The following PRICKLE3 variants were observed in gnomAD, a reference collection of about 807,000 sequenced individuals.
PRICKLE3 encodes prickle planar cell polarity protein 3, also known as LIM domain only protein 6.
In PRICKLE3, 17 loss-of-function variants were observed where a neutral mutation model predicts 33.8. That is an observed-to-expected ratio of 0.50 (90% CI 0.34 to 0.75). The LOEUF (loss-of-function observed/expected upper bound fraction) is 0.75, where lower values mean the gene tolerates loss of function less well. PRICKLE3 is among the 30% of genes least tolerant of loss of function. PRICKLE3 has a pLI of 0.01. For missense variants in PRICKLE3, 573 were observed against 576.7 expected, an observed-to-expected ratio of 0.99 and a Z score of 0.07; for synonymous variants, 211 against 219.6, an observed-to-expected ratio of 0.96 and a Z score of 0.34.
At position 49,177,188 on chromosome X, in the gene PRICKLE3, G is replaced by A; in HGVS notation, c.970C>T (p.Gln324Ter). ...CAGTGCTGGCCCTCGTAAGCCATCT[G>A]GCCTTGGTCCAGGCCTGTGGGGAAC... ...CGEHIGLDQG[Q>*]MAYEGQHWHA... Residue 324 changes from glutamine (Q) to a stop codon, truncating the protein, a stop_gained, in exon 8 of 9, where the codon CAG (glutamine) becomes TAG (stop). Coordinates refer to ENST00000599218, the MANE Select transcript of PRICKLE3 (RefSeq NM_006150.5). LOFTEE classifies it high-confidence loss of function. 8.5e-7 allele frequency: 1 copy of A among 1,178,880 alleles called. No homozygotes were observed. The highest frequency in any genetic ancestry group is 1.1e-6 in the Non-Finnish European group (1 of 882,842).
At position 49,176,028 on chromosome X, in the gene PRICKLE3, C is replaced by T. The variant is rs989219296; in HGVS notation, c.1493G>A (p.Arg498His). The T allele has an allele frequency of 5.8e-6, 7 of 1,206,168 alleles. No individual in the cohort carries two copies. Among genetic ancestry groups the T allele is most frequent in the Admixed American group, 4.4e-5 (2 of 45,427 alleles). The part of the protein sequence containing the change: ...RTLSAPPAQR[R>H]RPRSPPPRAP... ...CCTGGGTGGGGGACTGCGTGGCCTGCGGCGCTGGGCCGGGGGTGCACTCAG... is the reference window on the plus strand; with the variant it reads ...CCTGGGTGGGGGACTGCGTGGCCTGTGGCGCTGGGCCGGGGGTGCACTCAG... Residue 498 changes from arginine to histidine, a missense_variant, in exon 9 of 9, where the codon CGC becomes CAC. Physicochemically the swap from Arg to His is conservative, Grantham distance 29. Transcript: ENST00000599218.
chrX:49,180,063 G>T (rs1361137926), intron 3 of PRICKLE3, among the ~76,000 whole-genome samples: 1 of 68,909 alleles, frequency 1.5e-5, no homozygotes, highest in Non-Finnish European at 2.6e-5. Flanking sequence ...TTTTTGAGAC[G>T]GAATCTTTCT....
chrX:49,186,277 C>T lies in PRICKLE3; in HGVS notation c.21G>A (p.Arg7=), dbSNP rs2065482921. The change falls in exon 1 of 9, where the codon CGG becomes CGA. Residue 7 remains arginine, a synonymous_variant. Coordinates refer to ENST00000599218, the MANE Select transcript of PRICKLE3 (RefSeq NM_006150.5). The part of the protein sequence containing the change: MFARGS[R]RRRSGRAPPE... ...TCACCGCACGCCCGGAGCGGCGCCT[C>T]CGGGACCCACGCGCGAACATGGCGC... 1.7e-6 allele frequency: 2 copies of T among 1,151,840 alleles called. No individual in the cohort carries two copies. Among genetic ancestry groups the T allele is most frequent in the Admixed American group, 5.3e-5 (2 of 37,717 alleles). 94.9% of individuals were successfully genotyped at this position (1,151,840 alleles called of 1,213,427 possible). A position where few individuals can be genotyped will look rare whatever the true frequency, so the allele number is the denominator to read the frequency against.
intron 4 of PRICKLE3, 109 bp from the exon 5 acceptor site, chrX:49,179,497 G>A (rs1224072024): frequency 7.4e-6 from 8 of 1,079,309 alleles, no homozygotes; most frequent in Non-Finnish European, 8.8e-6. Context: ...TCTATAGATG[G>A]TGCCTCCTGC....
intron 3 of PRICKLE3, among the ~76,000 whole-genome samples, chrX:49,181,628 T>A (rs35508114): frequency 9.8e-5 from 2 of 20,420 alleles, no homozygotes; most frequent in African/African-American, 1.5e-4. Context: ...TATATATATA[T>A]ACACACACAT....
Position 49,175,720 on chromosome X carries a change from C to A in PRICKLE3, c.1801G>T (p.Ala601Ser), listed in dbSNP as rs782712537. 4.9e-5 allele frequency: 59 copies of A among 1,209,850 alleles called. No individual in the cohort carries two copies. In the South Asian group the frequency reaches 1.0e-3, roughly 21 times the overall value. ...PSLSLPRDSRAGMPRQARDKN... is the reference protein window; with the variant it reads ...PSLSLPRDSRSGMPRQARDKN... ...TCTCGGGCCTGACGAGGCATCCCTG[C>A]GCGAGAGTCCCTGGGGAGCGATAAA... is the stretch of plus-strand genomic sequence containing the variant. Residue 601 changes from alanine (A) to serine (S), a missense_variant, in exon 9 of 9, where the codon GCA (alanine) becomes TCA (serine). Coordinates refer to ENST00000599218, the MANE Select transcript of PRICKLE3 (RefSeq NM_006150.5).
chrX:49,175,864 T>C lies in PRICKLE3; in HGVS notation c.1657A>G (p.Ser553Gly). The part of the protein sequence containing the change: ...ESCSSSPSSS[S>G]SESSEDDGFF... ...CCATCATCCTCTGATGATTCGGAAC[T>C]GGAACTGGAGGGCGAGCTGGAGCAA... The change falls in exon 9 of 9, where the codon AGT (serine) becomes GGT (glycine). Residue 553 changes from serine (S) to glycine (G), a missense_variant. Coordinates refer to ENST00000599218, the MANE Select transcript of PRICKLE3 (RefSeq NM_006150.5). 1 of 1,212,078 alleles carries C rather than the reference T, an allele frequency of 8.3e-7. No individual in the cohort carries two copies. The highest frequency in any genetic ancestry group is 1.1e-6 in the Non-Finnish European group (1 of 895,553).
chrX:49,183,996 G>A, intron 2 of PRICKLE3, 79 bp from the exon 3 acceptor site: 1 of 1,086,715 alleles, frequency 9.2e-7, no homozygotes. Flanking sequence ...CAATGGAGGA[G>A]CGGGGACATA....
Position 49,176,112 on chromosome X carries a change from C to T in PRICKLE3, c.1409G>A (p.Ser470Asn). The change falls in exon 9 of 9, where the codon AGC becomes AAC. Residue 470 changes from serine to asparagine, a missense_variant. By Grantham distance (46) the Ser-to-Asn change is conservative. Coordinates refer to ENST00000599218, the MANE Select transcript of PRICKLE3 (RefSeq NM_006150.5). ...RPDDSAFGRQ[S>N]TPRVSFRDPL... ...GTCGCGGAAGCTGACGCGTGGGGTG[C>T]TCTGACGACCGAAGGCACTATCATC... is the stretch of plus-strand genomic sequence containing the variant. The T allele has an allele frequency of 8.3e-7, 1 of 1,206,845 alleles. No individual in the cohort carries two copies. The highest frequency in any genetic ancestry group is 1.1e-6 in the Non-Finnish European group (1 of 894,075).
chrX:49,178,384 G>A lies in PRICKLE3; in HGVS notation c.656C>T (p.Thr219Ile), dbSNP rs1557100507. The A allele has an allele frequency of 2.5e-6, 3 of 1,211,518 alleles. No homozygotes were observed. Among genetic ancestry groups the A allele is most frequent in the Non-Finnish European group, 2.2e-6 (2 of 895,173 alleles). ...GTCAACCAGCAGTTCCTGGCACGTG[G>A]TACACACGAAGCACTGTGGGTGCCA... ...ACWHPQCFVC[T>I]TCQELLVDLI... Residue 219 changes from threonine to isoleucine, a missense_variant, in exon 6 of 9, where the codon ACC (threonine) becomes ATC (isoleucine). Coordinates refer to ENST00000599218, the MANE Select transcript of PRICKLE3 (RefSeq NM_006150.5).
intron 3 of PRICKLE3, among the ~76,000 whole-genome samples, chrX:49,181,548 T>TATATACGTATATGTAC (rs2065452089): frequency 5.8e-5 from 1 of 17,201 alleles, no homozygotes; most frequent in African/African-American, 1.2e-4. Flanking sequence ...TATACGTATA[T>TATATACGTATATGTAC]GTGTATATAT....
chrX:49,182,698 CCT>C (rs1557101330), intron 3 of PRICKLE3, among the ~76,000 whole-genome samples: 3 of 112,055 alleles, frequency 2.7e-5, no homozygotes, highest in African/African-American at 9.7e-5. Flanking sequence ...TCTCTCCTTC[CCT>C]CTCTCTTTCT....
chrX:49,178,083 G>T lies in PRICKLE3; in HGVS notation c.865C>A (p.Arg289Ser). Residue 289 changes from arginine to serine, a missense_variant, in exon 7 of 9, where the codon CGC (arginine) becomes AGC (serine). Physicochemically the swap from Arg to Ser is moderately radical, Grantham distance 110. Transcript: ENST00000599218. ...FECEASLGGQ[R>S]YVMRQSRPHC... Reference sequence around the variant, plus strand: ...GGGCGGCTCTGACGCATGACATAGCGCTGCCCTCCTAGTGAAGCTTCACAC... The same window carrying T: ...GGGCGGCTCTGACGCATGACATAGCTCTGCCCTCCTAGTGAAGCTTCACAC... The T allele has an allele frequency of 8.5e-7, 1 of 1,180,492 alleles. No homozygotes were observed. The highest frequency in any genetic ancestry group is 1.1e-6 in the Non-Finnish European group (1 of 878,044).
At chrX:49,176,853 A>T in intron 8 of PRICKLE3, 50 bp downstream of exon 8, 1 of 1,133,790 alleles carries the variant, frequency 8.8e-7, no homozygotes, top group South Asian at 2.1e-5. Flanking sequence ...AGGGGCAAGG[A>T]CATAGGGGTG....
intron 1 of PRICKLE3, 88 bp from the exon 2 acceptor site, chrX:49,184,798 C>G: frequency 7.7e-6 from 9 of 1,163,972 alleles, no homozygotes; most frequent in Non-Finnish European, 1.0e-5. Flanking sequence ...CTTCATTGCC[C>G]GCGACCGCAC....
chrX:49,186,014 C>T, intron 1 of PRICKLE3, among the ~76,000 whole-genome samples: 1 of 109,657 alleles, frequency 9.1e-6, no homozygotes, highest in Admixed American at 9.6e-5. Context: ...GAGAGGGGTC[C>T]CCACCAGGTC....
At position 49,179,292 on chromosome X, in the gene PRICKLE3, G is replaced by C; in HGVS notation, c.523C>G (p.Arg175Gly). 2 of 1,211,228 alleles carry C rather than the reference G, an allele frequency of 1.7e-6. No individual in the cohort carries two copies. Among genetic ancestry groups the C allele is most frequent in the Non-Finnish European group, 2.2e-6 (2 of 895,271 alleles). ...CCAGTGATGGTCACCGGGAAGATGC[G>C]CACGATGCCACGCCCCAGATTCTCC... ...KRENLGRGIVRIFPVTITGAI... is the reference protein window; with the variant it reads ...KRENLGRGIVGIFPVTITGAI... Residue 175 changes from arginine to glycine, a missense_variant, in exon 5 of 9, where the codon CGC becomes GGC. Arg to Gly is a moderately radical substitution (Grantham distance 125). Transcript: ENST00000599218.
Position 49,184,707 on chromosome X carries a change from G to A in PRICKLE3, c.46C>T (p.Pro16Ser). 1 of 1,164,711 alleles carries A rather than the reference G, an allele frequency of 8.6e-7. No homozygotes were observed. Among genetic ancestry groups the A allele is most frequent in the Non-Finnish European group, 1.1e-6 (1 of 871,208 alleles). The stretch of plus-strand genomic sequence containing the variant: ...CCCCGGTCTGGGTCCTCTGCCTCTG[G>A]AGGCTGCAGTGGGCGGGGGCAGATG... ...SRRRRSGRAP[P>S]EAEDPDRGQP... Residue 16 changes from proline to serine, a missense_variant, in exon 2 of 9, where the codon CCA becomes TCA. By Grantham distance (74) the Pro-to-Ser change is moderately conservative (BLOSUM62 -1). Transcript: ENST00000599218.
chrX:49,179,127 C>T (rs2065435074), intron 5 of PRICKLE3, 124 bp downstream of exon 5: 1 of 941,193 alleles, frequency 1.1e-6, no homozygotes, highest in South Asian at 2.5e-5. Flanking sequence ...AGAGGGGACC[C>T]TAGAGACACC....
Sources: allele counts gnomAD v4.1 joint callset (sites outside exome capture counted in the v4.1 genomes callset), GRCh38; gene constraint gnomAD v4.1.1; transcripts MANE v1.5; gene names NCBI Gene and HGNC (gene_info 2026-07-23, HGNC 2026-07-21).